Variants in ALK observed in about 807,000 individuals in gnomAD.
ALK encodes ALK receptor tyrosine kinase.
ALK carries 74 observed loss-of-function variants against 163.1 expected under a neutral mutation model. The ratio of observed to expected loss-of-function variants is 0.45; its 90% CI spans 0.38 to 0.55. ALK has a LOEUF of 0.55. Ranked by LOEUF, ALK falls within the 20% of genes least tolerant of loss-of-function variation. The probability of loss-of-function intolerance (pLI) is 0.00; values close to 1 mark genes in which losing one functional copy is unlikely to be tolerated. For missense variants in ALK, 2,063 were observed against 2,105.3 expected, an observed-to-expected ratio of 0.98 and a Z score of 0.39; for synonymous variants, 960 against 843.2, an observed-to-expected ratio of 1.14 and a Z score of -2.40.
rs905708332 is a variant in ALK, at chr2:29,777,440, G to C, written c.668-59743C>G. Reference sequence around the variant, plus strand: ...TGTCAGAGAAGGTGAAGTTTGTGCAGACCTTCTCTCTACATCCCCTCTTGC... The same window carrying C: ...TGTCAGAGAAGGTGAAGTTTGTGCACACCTTCTCTCTACATCCCCTCTTGC... On this transcript the variant is annotated intron_variant, in intron 1 of 28. Transcript: ENST00000389048. Among the ~76,000 whole-genome samples the C allele has an allele frequency of 2.6e-5, 4 of 152,074 alleles. 1 individual carries two copies. In the South Asian group the frequency reaches 8.3e-4, roughly 32 times the overall value.
In ALK at chr2:29,829,690, A is replaced by G. The variant is rs547419140; in HGVS notation, c.667+90303T>C. Among the ~76,000 whole-genome samples the G allele has an allele frequency of 6.4e-4, 97 of 152,372 alleles. 1 individual carries two copies. Among genetic ancestry groups the G allele is most frequent in the African/African-American group, 2.2e-3 (92 of 41,584 alleles). The stretch of plus-strand genomic sequence containing the variant: ...TTCATCAGATTAATTCTTGGTGAAC[A>G]GTGAACCTATCCTAATACTATTGAG... On this transcript the variant is annotated intron_variant, in intron 1 of 28. Transcript: ENST00000389048.
intron 9 of ALK, among the ~76,000 whole-genome samples, chr2:29,287,505 A>G (rs1393666204): frequency 6.6e-6 from 1 of 152,200 alleles, no homozygotes; most frequent in African/African-American, 2.4e-5. Context: ...ACAGTATGAT[A>G]TTACAGGTAG....
chr2:29,811,725 C>T (rs1388990596), intron 1 of ALK, among the ~76,000 whole-genome samples: 1 of 152,246 alleles, frequency 6.6e-6, no homozygotes, highest in African/African-American at 2.4e-5. Flanking sequence ...AATCTTTCTG[C>T]TCCTCCATTC....
At chr2:29,275,340 G>T in intron 10 of ALK, 62 bp downstream of exon 10, 1 of 1,607,636 alleles carries the variant, frequency 6.2e-7, no homozygotes, top group South Asian at 1.1e-5. Context: ...CTGAGGAGGG[G>T]ACAATGAGGC....
chr2:29,728,464 T>C (rs377428195), intron 1 of ALK, among the ~76,000 whole-genome samples: 13 of 152,314 alleles, frequency 8.5e-5, no homozygotes, highest in African/African-American at 3.1e-4. Flanking sequence ...CTGAGGAGCT[T>C]AGAGTGTGGA....
At chr2:29,806,468 G>A (rs928829324) in intron 1 of ALK, among the ~76,000 whole-genome samples, 2 of 152,194 alleles carry the variant, frequency 1.3e-5, no homozygotes, top group African/African-American at 4.8e-5. Flanking sequence ...AACAATTAAA[G>A]TTGGGAGAGA....
intron 4 of ALK, among the ~76,000 whole-genome samples, chr2:29,485,931 C>G (rs1028411522): frequency 5.9e-5 from 9 of 152,164 alleles, no homozygotes; most frequent in African/African-American, 1.9e-4. Flanking sequence ...AGCACTGATT[C>G]TGGCCCTGGC....
At position 29,829,059 on chromosome 2, in the gene ALK, G is replaced by A. The variant is rs561084232; in HGVS notation, c.667+90934C>T. On this transcript the variant is annotated intron_variant, in intron 1 of 28. Coordinates refer to ENST00000389048, the MANE Select transcript of ALK (RefSeq NM_004304.5). ...AAACCATCATTCTCAGCAAACTATCGCAAGGACAAAAAACCAAACACCGCA... is the reference window on the plus strand; with the variant it reads ...AAACCATCATTCTCAGCAAACTATCACAAGGACAAAAAACCAAACACCGCA... Among the ~76,000 whole-genome samples the A allele has an allele frequency of 1.8e-4, 27 of 150,346 alleles. 1 individual carries two copies. The highest frequency in any genetic ancestry group is 3.9e-4 in the East Asian group (2 of 5,068).
chr2:29,346,620 T>C lies in ALK; in HGVS notation c.1283-18139A>G, dbSNP rs1203440331. Among the ~76,000 whole-genome samples, 6 of 152,390 alleles carry C rather than the reference T, an allele frequency of 3.9e-5. No homozygotes were observed. The East Asian group carries it at 7.7e-4, about 20-fold the overall frequency. On this transcript the variant is annotated intron_variant, in intron 5 of 28. Coordinates refer to ENST00000389048, the MANE Select transcript of ALK (RefSeq NM_004304.5). ...AGTGAATCTCAACATCTGATTTCCA[T>C]TGACAGTTAAATTAACAAATCAACT...
chr2:29,512,177 G>A (rs546379115), intron 4 of ALK, among the ~76,000 whole-genome samples: 6 of 152,234 alleles, frequency 3.9e-5, no homozygotes, highest in Admixed American at 2.0e-4. Context: ...TTCCAGAAAT[G>A]TTATAATAGC....
chr2:29,483,435 T>C (rs1167838413), intron 4 of ALK, among the ~76,000 whole-genome samples: 1 of 152,190 alleles, frequency 6.6e-6, no homozygotes. Flanking sequence ...TGTGCACCAG[T>C]AGGCGGTATC....
rs761744581 is a variant in ALK at position 29,717,737 on chromosome 2, G to A, written c.668-40C>T. On this transcript the variant is annotated intron_variant, in intron 1 of 28. Coordinates refer to ENST00000389048, the MANE Select transcript of ALK (RefSeq NM_004304.5). ...AAAGAAAACACTGATCCATGTGCTTGGGGTGTGTCTTTTAGCTGTCACTCA... is the reference window on the plus strand; with the variant it reads ...AAAGAAAACACTGATCCATGTGCTTAGGGTGTGTCTTTTAGCTGTCACTCA... 7.4e-6 allele frequency: 12 copies of A among 1,613,654 alleles called. 1 individual carries two copies. The South Asian group carries it at 1.2e-4, about 16-fold the overall frequency.
chr2:29,275,602 T>C, intron 9 of ALK, 106 bp from the exon 10 acceptor site: 2 of 1,174,970 alleles, frequency 1.7e-6, no homozygotes, highest in Non-Finnish European at 2.5e-6. Context: ...GAATGTGAGT[T>C]TGAAAAAGGC....
At chr2:29,887,530 G>A (rs1572470828) in intron 1 of ALK, among the ~76,000 whole-genome samples, 1 of 152,194 alleles carries the variant, frequency 6.6e-6, no homozygotes, top group Admixed American at 6.5e-5. Context: ...TTCAAGGGGA[G>A]GGACATAGAG....
intron 14 of ALK, among the ~76,000 whole-genome samples, chr2:29,233,364 G>A (rs537645753): frequency 5.0e-4 from 76 of 152,158 alleles, no homozygotes; most frequent in Non-Finnish European, 7.9e-4. Flanking sequence ...CAAGCTGATC[G>A]TGAATTCCTG....
At chr2:29,539,613 GT>G (rs1673358364) in intron 3 of ALK, among the ~76,000 whole-genome samples, 2 of 51,936 alleles carry the variant, frequency 3.9e-5, no homozygotes, top group African/African-American at 5.0e-5. Flanking sequence ...TGAGCACAGG[GT>G]AGATCATATC....
In ALK at chr2:29,522,055, AAAC is replaced by A. The variant is rs746009514; in HGVS notation, c.1154+9857_1154+9859del. Among the ~76,000 whole-genome samples, 11 of 152,238 alleles carry A rather than the reference AAAC, an allele frequency of 7.2e-5. No individual in the cohort carries two copies. In the South Asian group the frequency reaches 8.3e-4, roughly 11 times the overall value. On this transcript the variant is annotated intron_variant, in intron 4 of 28. Transcript: ENST00000389048. ...ATAGAAAAATGCAGCTGGGATTTAT[AAAC>A]AATAAATAATGGTTAATAATGATAA...
intron 4 of ALK, among the ~76,000 whole-genome samples, chr2:29,403,798 G>C (rs569547008): frequency 4.5e-4 from 67 of 150,458 alleles, no homozygotes; most frequent in Non-Finnish European, 8.7e-4. Flanking sequence ...TGTAATACCA[G>C]CTACTGGGGA....
chr2:29,564,746 TC>T (rs778763007), intron 3 of ALK, among the ~76,000 whole-genome samples: 16 of 152,214 alleles, frequency 1.1e-4, no homozygotes, highest in Non-Finnish European at 1.9e-4. Flanking sequence ...TATCTCAGGT[TC>T]CACTCAGAGG....
Sources: gnomAD v4.1 joint callset for allele counts (sites outside exome capture counted in the v4.1 genomes callset) on GRCh38, gnomAD v4.1.1 for gene constraint, MANE v1.5 for transcripts, NCBI Gene and HGNC (gene_info 2026-07-23, HGNC 2026-07-21) for gene names.